The following KCNN2 variants were observed in gnomAD, a reference collection of about 807,000 sequenced individuals.
The protein encoded by KCNN2 is potassium calcium-activated channel subfamily N member 2, also known as small conductance calcium-activated potassium channel protein 2.
In KCNN2, 24 loss-of-function variants were observed where a neutral mutation model predicts 55.5. The observed-to-expected ratio is 0.43, with a 90% CI of 0.31 to 0.61. The LOEUF (loss-of-function observed/expected upper bound fraction) is 0.61, where lower values mean the gene tolerates loss of function less well. Among genes scored for constraint, KCNN2 ranks in the 20% least tolerant of loss-of-function variants. The pLI is 0.08. For synonymous variants in KCNN2, 431 were observed against 336.1 expected (o/e 1.28, Z -3.09); for missense variants, 754 against 853.6 (o/e 0.88, Z 1.45).
In KCNN2 at chr5:114,487,173, C is replaced by T; in HGVS notation, c.2014C>T (p.His672Tyr). Residue 672 changes from histidine (H) to tyrosine (Y), a missense_variant, in exon 6 of 8, where the codon CAT becomes TAT. Transcript: ENST00000673685. The part of the protein sequence containing the change: ...KHQRKFLQAI[H>Y]QLRSVKMEQR... The stretch of plus-strand genomic sequence containing the variant: ...TCAACGAAAATTCCTGCAAGCTATT[C>T]ATCAGTAAGTATCATTTTTCATTTT... 1.2e-6 allele frequency: 2 copies of T among 1,612,376 alleles called. No individual in the cohort carries two copies. The highest frequency in any genetic ancestry group is 1.7e-6 in the Non-Finnish European group (2 of 1,178,892).
intron 1 of KCNN2, among the ~76,000 whole-genome samples, chr5:114,160,151 A>G (rs1290246082): frequency 6.6e-6 from 1 of 152,116 alleles, no homozygotes; most frequent in Admixed American, 6.5e-5. Flanking sequence ...AGTGCTATAA[A>G]TTTCCCTCTA....
chr5:114,405,441 G>C (rs1230464668), intron 3 of KCNN2, among the ~76,000 whole-genome samples: 1 of 152,180 alleles, frequency 6.6e-6, no homozygotes, highest in African/African-American at 2.4e-5. Context: ...TGGTGGTCTA[G>C]ACCTAGGCAT....
intron 2 of KCNN2, among the ~76,000 whole-genome samples, chr5:114,293,897 A>C (rs2150019158): frequency 6.6e-6 from 1 of 152,284 alleles, no homozygotes; most frequent in East Asian, 1.9e-4. Flanking sequence ...TCAGAGATTC[A>C]ACTTCTTCCT....
At chr5:114,486,730 T>C (rs2150136981) in intron 5 of KCNN2, 1 of 1,293,600 alleles carries the variant, frequency 7.7e-7, no homozygotes, top group Non-Finnish European at 1.0e-6. Context: ...ACAATTGCAA[T>C]ACACGGTGGA....
chr5:114,267,177 G>C (rs1452078065), intron 2 of KCNN2, among the ~76,000 whole-genome samples: 2 of 152,060 alleles, frequency 1.3e-5, no homozygotes, highest in African/African-American at 2.4e-5. Context: ...TGTGTTTGTA[G>C]TGAGACGGGG....
chr5:114,150,017 G>A (rs1193074041), intron 1 of KCNN2, among the ~76,000 whole-genome samples: 2 of 152,082 alleles, frequency 1.3e-5, no homozygotes, highest in African/African-American at 4.8e-5. Flanking sequence ...TGCTTTTCTG[G>A]GATAGGAATC....
chr5:114,243,231 A>G (rs1244925738), intron 2 of KCNN2, among the ~76,000 whole-genome samples: 1 of 152,158 alleles, frequency 6.6e-6, no homozygotes, highest in Non-Finnish European at 1.5e-5. Flanking sequence ...AAGAACCTAC[A>G]ATGACATTTG....
intron 3 of KCNN2, among the ~76,000 whole-genome samples, chr5:114,449,933 C>T (rs1390854363): frequency 6.6e-6 from 1 of 151,894 alleles, no homozygotes; most frequent in Non-Finnish European, 1.5e-5. Context: ...TGCGCGCACT[C>T]TTCCCTTAGA....
At chr5:114,422,793 A>C (rs116565567) in intron 3 of KCNN2, among the ~76,000 whole-genome samples, 6,649 of 152,234 alleles carry the variant, frequency 0.044, 161 homozygotes, top group Middle Eastern at 0.065. Context: ...ATCGTCAGAG[A>C]CTCATAGATG....
intron 1 of KCNN2, among the ~76,000 whole-genome samples, chr5:114,077,039 A>G (rs865910842): frequency 2.0e-5 from 3 of 151,668 alleles, no homozygotes; most frequent in African/African-American, 4.9e-5. Context: ...AGGTATGTTG[A>G]ATTACCCTTA....
chr5:114,196,015 T>G (rs566415483), intron 1 of KCNN2, among the ~76,000 whole-genome samples: 79 of 152,202 alleles, frequency 5.2e-4, no homozygotes, highest in African/African-American at 1.8e-3. Flanking sequence ...CATGTGGGTA[T>G]GGAGTTCTCT....
chr5:114,344,625 A>G (rs1190492332), intron 2 of KCNN2, among the ~76,000 whole-genome samples: 1 of 152,142 alleles, frequency 6.6e-6, no homozygotes, highest in Non-Finnish European at 1.5e-5. Context: ...CAAGGGACTG[A>G]CCATGAGTCA....
intron 3 of KCNN2, among the ~76,000 whole-genome samples, chr5:114,420,093 A>G (rs1280571398): frequency 6.6e-6 from 1 of 152,260 alleles, no homozygotes; most frequent in Non-Finnish European, 1.5e-5. Context: ...CCTAGATTTT[A>G]ACTTCATTGA....
At chr5:114,252,968 T>C (rs1754902244) in intron 2 of KCNN2, among the ~76,000 whole-genome samples, 1 of 152,120 alleles carries the variant, frequency 6.6e-6, no homozygotes, top group African/African-American at 2.4e-5. Context: ...TTTATAAGCA[T>C]GCTCTTTCCC....
At chr5:114,139,608 T>C (rs1752236425) in intron 1 of KCNN2, among the ~76,000 whole-genome samples, 1 of 150,126 alleles carries the variant, frequency 6.7e-6, no homozygotes, top group African/African-American at 2.4e-5. Flanking sequence ...CTATATAATA[T>C]ATAAAAATAT....
intron 1 of KCNN2, among the ~76,000 whole-genome samples, chr5:114,141,239 T>C (rs562717943): frequency 6.6e-6 from 1 of 152,246 alleles, no homozygotes; most frequent in African/African-American, 2.4e-5. Context: ...CATTAACTCA[T>C]CATTTACATT....
chr5:114,242,969 T>C (rs1754674126), intron 2 of KCNN2, among the ~76,000 whole-genome samples: 1 of 151,302 alleles, frequency 6.6e-6, no homozygotes, highest in Non-Finnish European at 1.5e-5. Flanking sequence ...GTTTTCTCAG[T>C]GTCAAATACT....
At chr5:114,271,484 A>C (rs1755333351) in intron 2 of KCNN2, among the ~76,000 whole-genome samples, 1 of 152,190 alleles carries the variant, frequency 6.6e-6, no homozygotes, top group Non-Finnish European at 1.5e-5. Context: ...AACTTGAAAA[A>C]CACAGAAAAG....
chr5:114,091,067 T>C (rs565263725), intron 1 of KCNN2, among the ~76,000 whole-genome samples: 63 of 152,176 alleles, frequency 4.1e-4, no homozygotes, highest in Non-Finnish European at 8.4e-4. Flanking sequence ...CTCAAACTCC[T>C]GTGTTCAAGT....
Sources: gnomAD v4.1 joint callset for allele counts (sites outside exome capture counted in the v4.1 genomes callset) on GRCh38, gnomAD v4.1.1 for gene constraint, MANE v1.5 for transcripts, NCBI Gene and HGNC (gene_info 2026-07-23, HGNC 2026-07-21) for gene names.